The following TRPM3 variants were observed in gnomAD, a reference collection of about 807,000 sequenced individuals.
TRPM3 encodes long transient receptor potential channel 3.
TRPM3 carries 77 observed loss-of-function variants against 181.2 expected under a neutral mutation model. The ratio of observed to expected loss-of-function variants is 0.42; its 90% CI spans 0.35 to 0.51. The LOEUF (loss-of-function observed/expected upper bound fraction) is 0.51, where lower values mean the gene tolerates loss of function less well. Among genes scored for constraint, TRPM3 ranks in the 20% least tolerant of loss-of-function variants. The pLI, the probability that TRPM3 is intolerant of heterozygous loss-of-function variation, is 0.01. For missense variants in TRPM3, 1,759 were observed against 2,196.7 expected (o/e 0.80, Z 3.98); for synonymous variants, 745 against 796.4 (o/e 0.94, Z 1.09).
Position 70,579,749 on chromosome 9 carries a change from G to A in TRPM3, c.3223+11282C>T, listed in dbSNP as rs575145651. ...TCAGCAATTTACTGCAGGCAGCGTA[G>A]AAGACAGTGTTTGGAGGCAAACTGG... On this transcript the variant is annotated intron_variant, in intron 22 of 25. Coordinates refer to ENST00000677713, the MANE Select transcript of TRPM3 (RefSeq NM_001366145.2). 1.2e-4 allele frequency among the ~76,000 whole-genome samples: 18 copies of A among 152,326 alleles called. No individual in the cohort carries two copies. The South Asian group carries it at 3.7e-3, about 32-fold the overall frequency.
intron 8 of TRPM3, among the ~76,000 whole-genome samples, chr9:70,742,443 A>C (rs1306513300): frequency 6.6e-6 from 1 of 150,874 alleles, no homozygotes; most frequent in Non-Finnish European, 1.5e-5. Context: ...TGTTGGGAAC[A>C]TTCAATGTCC....
At chr9:71,206,731 A>C (rs779777231) in intron 1 of TRPM3, among the ~76,000 whole-genome samples, 4 of 152,086 alleles carry the variant, frequency 2.6e-5, no homozygotes, top group African/African-American at 7.2e-5. Context: ...CTTACATTGA[A>C]GCCTTTAATC....
At chr9:71,254,839 A>C (rs10868998) in intron 1 of TRPM3, among the ~76,000 whole-genome samples, 1 of 151,866 alleles carries the variant, frequency 6.6e-6, no homozygotes. Context: ...AAAAGAAAGA[A>C]GGTGGAATAA....
chr9:70,581,412 C>T lies in TRPM3; in HGVS notation c.3223+9619G>A, dbSNP rs150435280. On this transcript the variant is annotated intron_variant, in intron 22 of 25. Transcript: ENST00000677713. ...TGGTCTGATATCTAGCCGCAGGAAG[C>T]GACTCGCTCCACTGGACAGTATCTT... Among the ~76,000 whole-genome samples, 14 of 152,236 alleles carry T rather than the reference C, an allele frequency of 9.2e-5. No homozygotes were observed. The East Asian group carries it at 9.6e-4, about 10-fold the overall frequency.
At chr9:70,742,209 T>C (rs968957592) in intron 8 of TRPM3, among the ~76,000 whole-genome samples, 26 of 152,222 alleles carry the variant, frequency 1.7e-4, no homozygotes, top group African/African-American at 6.0e-4. Flanking sequence ...ATATACAAAT[T>C]AGTATAGAAA....
intron 1 of TRPM3, among the ~76,000 whole-genome samples, chr9:70,978,427 T>A (rs2097328814): frequency 6.6e-6 from 1 of 152,210 alleles, no homozygotes; most frequent in South Asian, 2.1e-4. Flanking sequence ...TCTTTTCCAG[T>A]CAGCTAACAT....
At chr9:71,303,717 T>C (rs2086995263) in intron 1 of TRPM3, among the ~76,000 whole-genome samples, 1 of 152,138 alleles carries the variant, frequency 6.6e-6, no homozygotes, top group Admixed American at 6.5e-5. Flanking sequence ...CACTAGCTTA[T>C]TAAATTACAG....
At chr9:70,768,748 G>A (rs978569031) in intron 7 of TRPM3, among the ~76,000 whole-genome samples, 1 of 152,022 alleles carries the variant, frequency 6.6e-6, no homozygotes, top group Non-Finnish European at 1.5e-5. Context: ...ACTCAAAAAC[G>A]TATATTTGAT....
At chr9:71,241,394 G>A (rs2081662552) in intron 1 of TRPM3, among the ~76,000 whole-genome samples, 2 of 150,840 alleles carry the variant, frequency 1.3e-5, no homozygotes, top group Non-Finnish European at 2.9e-5. Context: ...ACTATCGCAA[G>A]GACAAAAAAC....
At chr9:70,989,998 C>T (rs1174648905) in intron 1 of TRPM3, among the ~76,000 whole-genome samples, 1 of 152,170 alleles carries the variant, frequency 6.6e-6, no homozygotes, top group Non-Finnish European at 1.5e-5. Context: ...TAACATTTCT[C>T]TGAGAAAGGT....
intron 1 of TRPM3, among the ~76,000 whole-genome samples, chr9:71,258,232 G>T (rs576748278): frequency 3.0e-4 from 46 of 152,246 alleles, no homozygotes; most frequent in Admixed American, 2.4e-3. Context: ...AGTGAATGCT[G>T]TTATTAGCCC....
intron 1 of TRPM3, among the ~76,000 whole-genome samples, chr9:71,238,201 A>T (rs765801607): frequency 3.9e-5 from 6 of 152,112 alleles, no homozygotes; most frequent in Non-Finnish European, 8.8e-5. Context: ...CTTCTCAGTA[A>T]ATCTACTTTT....
At chr9:71,425,822 CG>C (rs1463724242) in intron 1 of TRPM3, among the ~76,000 whole-genome samples, 2 of 152,106 alleles carry the variant, frequency 1.3e-5, no homozygotes, top group Non-Finnish European at 2.9e-5. Context: ...AAATTCATCC[CG>C]TAGCACTCTT....
At chr9:71,066,041 G>T (rs147078830) in intron 1 of TRPM3, among the ~76,000 whole-genome samples, 57 of 152,248 alleles carry the variant, frequency 3.7e-4, no homozygotes, top group African/African-American at 1.3e-3. Flanking sequence ...TCAAGAATGA[G>T]GCATTGTTTA....
At chr9:70,674,313 C>T (rs1455878520) in intron 9 of TRPM3, among the ~76,000 whole-genome samples, 1 of 152,118 alleles carries the variant, frequency 6.6e-6, no homozygotes, top group Non-Finnish European at 1.5e-5. Context: ...TGGACATAAA[C>T]TACTTCAAAA....
At chr9:70,688,644 TG>T (rs2067642860) in intron 8 of TRPM3, among the ~76,000 whole-genome samples, 2 of 152,256 alleles carry the variant, frequency 1.3e-5, no homozygotes, top group South Asian at 4.1e-4. Context: ...CTAGCTGGGC[TG>T]AGCATCTTGC....
Position 70,856,073 on chromosome 9 carries a change from A to C in TRPM3, c.462+6835T>G, listed in dbSNP as rs2095379405. On this transcript the variant is annotated intron_variant, in intron 3 of 25. Transcript: ENST00000677713. ...CAACTCAAGGTTTAGAAATAATATA[A>C]AACTCCAGTAAGCATATAAACTAGT... Among the ~76,000 whole-genome samples the C allele has an allele frequency of 2.0e-5, 3 of 152,322 alleles. No individual in the cohort carries two copies. The South Asian group carries it at 6.2e-4, about 32-fold the overall frequency.
chr9:70,573,377 A>C (rs2052978919), intron 22 of TRPM3, among the ~76,000 whole-genome samples: 1 of 152,250 alleles, frequency 6.6e-6, no homozygotes, highest in Admixed American at 6.5e-5. Flanking sequence ...AAAACATGCA[A>C]AAATTTGTGT....
intron 1 of TRPM3, among the ~76,000 whole-genome samples, chr9:71,248,594 T>TA: frequency 6.6e-6 from 1 of 152,210 alleles, no homozygotes; most frequent in Non-Finnish European, 1.5e-5. Context: ...AGGTTTGTTA[T>TA]TTGTTGCAAA....
Sources: allele counts gnomAD v4.1 joint callset (sites outside exome capture counted in the v4.1 genomes callset), GRCh38; gene constraint gnomAD v4.1.1; transcripts MANE v1.5; gene names NCBI Gene and HGNC (gene_info 2026-07-23, HGNC 2026-07-21).